The following SEL1L variants were observed in gnomAD, a reference collection of about 807,000 sequenced individuals.
The protein encoded by SEL1L is SEL1L adaptor subunit of SYVN1 ubiquitin ligase, also known as protein sel-1 homolog 1.
SEL1L carries 52 observed loss-of-function variants against 109.8 expected under a neutral mutation model. The observed-to-expected ratio is 0.47, with a 90% CI of 0.38 to 0.60. SEL1L has a LOEUF of 0.60. Among genes scored for constraint, SEL1L ranks in the 20% least tolerant of loss-of-function variants. The pLI, the probability that SEL1L is intolerant of heterozygous loss-of-function variation, is 0.00. For missense variants in SEL1L, 749 were observed against 962.2 expected (o/e 0.78, Z 2.93); for synonymous variants, 373 against 339.6 (o/e 1.10, Z -1.08).
intron 15 of SEL1L, 45 bp downstream of exon 15, chr14:81,487,810 A>G: frequency 1.2e-6 from 2 of 1,607,156 alleles, no homozygotes; most frequent in South Asian, 2.3e-5. Flanking sequence ...AAAACAGCTT[A>G]ATTTAGATCT....
intron 1 of SEL1L, among the ~76,000 whole-genome samples, chr14:81,528,089 T>C (rs1312661092): frequency 1.3e-5 from 2 of 152,154 alleles, no homozygotes; most frequent in Admixed American, 1.3e-4. Context: ...AGTTACTAAG[T>C]TCATAAAAAT....
chr14:81,472,509 C>T lies in SEL1L; in HGVS notation c.*4463G>A. The T allele has an allele frequency of 5.3e-6, 2 of 375,646 alleles. No homozygotes were observed. Among genetic ancestry groups the T allele is most frequent in the East Asian group, 8.4e-5 (1 of 11,910 alleles). The allele number at this position is 375,646 out of a possible 1,614,324, so 23.3% of individuals were successfully genotyped here. A position where few individuals can be genotyped will look rare whatever the true frequency, so the allele number is the denominator to read the frequency against. On this transcript the variant is annotated 3_prime_UTR_variant, in exon 21 of 21. Transcript: ENST00000336735. ...TTGATTTAATATTTTTTCATTTCTC[C>T]TTTACTCAGAGCATATTTAGTCTAA...
chr14:81,524,752 G>T (rs967103577), intron 3 of SEL1L, among the ~76,000 whole-genome samples: 2 of 151,936 alleles, frequency 1.3e-5, no homozygotes. Flanking sequence ...TACGCGCCTG[G>T]TATCCCAGCT....
At chr14:81,516,764 T>C (rs185061831) in intron 3 of SEL1L, among the ~76,000 whole-genome samples, 3 of 152,298 alleles carry the variant, frequency 2.0e-5, no homozygotes, top group Admixed American at 2.0e-4. Flanking sequence ...GCCTCCCTGG[T>C]AGACAACATT....
In SEL1L at chr14:81,503,669, G is replaced by T. The variant is rs539480684; in HGVS notation, c.614+532C>A. On this transcript the variant is annotated intron_variant, in intron 5 of 20. Coordinates refer to ENST00000336735, the MANE Select transcript of SEL1L (RefSeq NM_005065.6). ...AAACTTCTATTAAAAAAAGTTAACC[G>T]ATTTGCAATAAGAGAATATGATGGT... is the stretch of plus-strand genomic sequence containing the variant. 3.3e-5 allele frequency among the ~76,000 whole-genome samples: 5 copies of T among 152,054 alleles called. 1 individual carries two copies. The South Asian group carries it at 1.0e-3, about 32-fold the overall frequency.
chr14:81,487,481 G>T lies in SEL1L; in HGVS notation c.1541C>A (p.Ser514Tyr). 3 of 1,608,306 alleles carry T rather than the reference G, an allele frequency of 1.9e-6. No homozygotes were observed. Among genetic ancestry groups the T allele is most frequent in the African/African-American group, 1.3e-5 (1 of 74,340 alleles). ...KQALKYFNLA[S>Y]QGGHILAFYN... ...GAAAGCCAAGATATGGCCTCCCTGA[G>T]AAGCTAAATTAAAATACTTCAAGGC... The change falls in exon 16 of 21, where the codon TCT (serine) becomes TAT (tyrosine). Residue 514 changes from serine (S) to tyrosine (Y), a missense_variant. Ser to Tyr is a moderately radical substitution (Grantham distance 144, BLOSUM62 -2). Coordinates refer to ENST00000336735, the MANE Select transcript of SEL1L (RefSeq NM_005065.6).
chr14:81,532,926 C>G (rs1033567880), intron 1 of SEL1L, among the ~76,000 whole-genome samples: 3 of 151,850 alleles, frequency 2.0e-5, no homozygotes, highest in African/African-American at 7.3e-5. Context: ...CAAATGTAGG[C>G]AGATTAAAAC....
chr14:81,491,955 A>G (rs1233738860), intron 12 of SEL1L, among the ~76,000 whole-genome samples: 1 of 151,602 alleles, frequency 6.6e-6, no homozygotes, highest in Non-Finnish European at 1.5e-5. Flanking sequence ...ATTATTGCAT[A>G]CAATACACAA....
At chr14:81,482,326 A>G (rs1351917368) in intron 19 of SEL1L, among the ~76,000 whole-genome samples, 2 of 152,228 alleles carry the variant, frequency 1.3e-5, no homozygotes, top group African/African-American at 4.8e-5. Flanking sequence ...GATGTACTCC[A>G]TGAAAGCCAT....
chr14:81,515,361 T>C lies in SEL1L; in HGVS notation c.341-9120A>G, dbSNP rs763502086. On this transcript the variant is annotated intron_variant, in intron 3 of 20. Coordinates refer to ENST00000336735, the MANE Select transcript of SEL1L (RefSeq NM_005065.6). ...TCTCACTTGGAGAGATGTTATGTTA[T>C]TGTTAGATCAAACCCTGGCCTTTAA... Among the ~76,000 whole-genome samples the C allele has an allele frequency of 5.8e-4, 88 of 152,356 alleles. 1 individual carries two copies. The highest frequency in any genetic ancestry group is 1.1e-3 in the Non-Finnish European group (75 of 68,042).
chr14:81,492,669 C>A, intron 11 of SEL1L, 121 bp from the exon 12 acceptor site: 1 of 622,352 alleles, frequency 1.6e-6, no homozygotes, highest in Non-Finnish European at 2.8e-6. Flanking sequence ...GCTTTAAAAA[C>A]AAGAATACCC....
intron 3 of SEL1L, among the ~76,000 whole-genome samples, chr14:81,510,575 T>G (rs1463668712): frequency 6.7e-6 from 1 of 150,050 alleles, no homozygotes; most frequent in Non-Finnish European, 1.5e-5. Flanking sequence ...TTTTCTCACT[T>G]TAAATTGTAA....
intron 3 of SEL1L, among the ~76,000 whole-genome samples, chr14:81,510,015 T>TA (rs1884397768): frequency 6.6e-6 from 1 of 152,170 alleles, no homozygotes; most frequent in Admixed American, 6.5e-5. Flanking sequence ...TAAAGGTCCC[T>TA]AGAGAGTAGT....
intron 3 of SEL1L, among the ~76,000 whole-genome samples, chr14:81,515,406 G>A (rs927699815): frequency 2.0e-5 from 3 of 152,224 alleles, no homozygotes; most frequent in Non-Finnish European, 4.4e-5. Flanking sequence ...TGCAGCTTTA[G>A]CTGCAGCCTG....
intron 3 of SEL1L, among the ~76,000 whole-genome samples, chr14:81,525,306 T>C (rs1041343559): frequency 1.3e-5 from 2 of 151,890 alleles, no homozygotes; most frequent in African/African-American, 4.8e-5. Context: ...CCCAGCACTT[T>C]GGGAGGCCAA....
At position 81,472,257 on chromosome 14, in the gene SEL1L, G is replaced by A. The variant is rs751851103; in HGVS notation, c.*4715C>T. ...GACTTCCCCCACAACTTTTAGGTCAGTCAAGGTCATCTGGGGTCACTGACT... is the reference window on the plus strand; with the variant it reads ...GACTTCCCCCACAACTTTTAGGTCAATCAAGGTCATCTGGGGTCACTGACT... On this transcript the variant is annotated 3_prime_UTR_variant, in exon 21 of 21. Coordinates refer to ENST00000336735, the MANE Select transcript of SEL1L (RefSeq NM_005065.6). The A allele has an allele frequency of 3.0e-5, 5 of 164,196 alleles. No homozygotes were observed. The highest frequency in any genetic ancestry group is 6.6e-5 in the Non-Finnish European group (5 of 75,628). The allele number at this position is 164,196 out of a possible 1,614,324, so 10.2% of individuals were successfully genotyped here. A position where few individuals can be genotyped will look rare whatever the true frequency, so the allele number is the denominator to read the frequency against.
At chr14:81,484,420 A>T in intron 18 of SEL1L, 23 bp from the exon 19 acceptor site, 1 of 1,589,768 alleles carries the variant, frequency 6.3e-7, no homozygotes, top group Non-Finnish European at 8.6e-7. Context: ...TTAAATGCAG[A>T]ACTGCCAATA....
At position 81,533,748 on chromosome 14, in the gene SEL1L, C is replaced by T. The variant is rs1885430665; in HGVS notation, c.-4G>A. The T allele has an allele frequency of 6.2e-7, 1 of 1,612,766 alleles. No individual in the cohort carries two copies. On this transcript the variant is annotated 5_prime_UTR_variant, in exon 1 of 21. Coordinates refer to ENST00000336735, the MANE Select transcript of SEL1L (RefSeq NM_005065.6). ...TCAGCCCTATCCGGACCCGCATCCT[C>T]CTCTCGGGGCCGGTGCCAACCCCTA...
In SEL1L at chr14:81,492,450, TACATA is replaced by T. The variant is rs763978590; in HGVS notation, c.1254+25_1254+29del. The stretch of plus-strand genomic sequence containing the variant: ...TAATTATGCAAACACCTCTTGCTAT[TACATA>T]AAACATTCACAGGATGTACAGTACC... On this transcript the variant is annotated intron_variant, in intron 12 of 20. Coordinates refer to ENST00000336735, the MANE Select transcript of SEL1L (RefSeq NM_005065.6). 3.3e-6 allele frequency: 5 copies of T among 1,503,102 alleles called. No homozygotes were observed. In the African/African-American group the frequency reaches 6.9e-5, roughly 21 times the overall value. 93.1% of individuals were successfully genotyped at this position (1,503,102 alleles called of 1,614,324 possible). A position where few individuals can be genotyped will look rare whatever the true frequency, so the allele number is the denominator to read the frequency against.
Sources: allele counts gnomAD v4.1 joint callset (sites outside exome capture counted in the v4.1 genomes callset), GRCh38; gene constraint gnomAD v4.1.1; transcripts MANE v1.5; gene names NCBI Gene and HGNC (gene_info 2026-07-23, HGNC 2026-07-21).